Variants in PAPPA2 observed in about 807,000 individuals in gnomAD.
PAPPA2 encodes the protein pappalysin 2.
A neutral mutation model predicts 176.4 loss-of-function variants in PAPPA2; 86 were observed. That is an observed-to-expected ratio of 0.49 (90% CI 0.41 to 0.58). The LOEUF (loss-of-function observed/expected upper bound fraction) is 0.58, where lower values mean the gene tolerates loss of function less well. Ranked by LOEUF, PAPPA2 falls within the 20% of genes least tolerant of loss-of-function variation. The pLI is 0.00. For missense variants in PAPPA2, 2,073 were observed against 2,256.9 expected, an observed-to-expected ratio of 0.92 and a Z score of 1.65; for synonymous variants, 809 against 852.2, an observed-to-expected ratio of 0.95 and a Z score of 0.88.
chr1:176,692,163 G>A lies in PAPPA2; in HGVS notation c.2469G>A (p.Val823=). 6.2e-7 allele frequency: 1 copy of A among 1,613,950 alleles called. No individual in the cohort carries two copies. The highest frequency in any genetic ancestry group is 8.5e-7 in the Non-Finnish European group (1 of 1,179,926). ...NCTDNFTPNQ[V]ARMHCYLDLV... The stretch of plus-strand genomic sequence containing the variant: ...CTGACAACTTCACTCCTAACCAAGT[G>A]GCCCGAATGCATTGCTATTTGGACC... The change falls in exon 6 of 23, where the codon GTG becomes GTA. Residue 823 remains valine (V), a synonymous_variant. Coordinates refer to ENST00000367662, the MANE Select transcript of PAPPA2 (RefSeq NM_020318.3).
intron 3 of PAPPA2, among the ~76,000 whole-genome samples, chr1:176,619,638 A>G (rs1655473212): frequency 6.6e-6 from 1 of 152,212 alleles, no homozygotes; most frequent in Non-Finnish European, 1.5e-5. Flanking sequence ...CAATTATTAA[A>G]TCTCTGAACA....
chr1:176,682,489 T>TA (rs770488942), intron 4 of PAPPA2, among the ~76,000 whole-genome samples: 2 of 152,220 alleles, frequency 1.3e-5, no homozygotes, highest in South Asian at 2.1e-4. Flanking sequence ...ATTTAATTTT[T>TA]AAAAATTTTA....
intron 1 of PAPPA2, among the ~76,000 whole-genome samples, chr1:176,519,152 G>T (rs1649077803): frequency 6.6e-6 from 1 of 152,176 alleles, no homozygotes; most frequent in East Asian, 1.9e-4. Context: ...TGCCAGACAT[G>T]ACATTAGAAT....
intron 14 of PAPPA2, among the ~76,000 whole-genome samples, chr1:176,748,291 C>G (rs901630602): frequency 3.9e-5 from 6 of 152,088 alleles, no homozygotes; most frequent in African/African-American, 1.4e-4. Context: ...CAGCTTAGGG[C>G]AGAAGGGATA....
In PAPPA2 at chr1:176,824,215, C is replaced by T. The variant is rs185464390; in HGVS notation, c.5203-15958C>T. On this transcript the variant is annotated intron_variant, in intron 21 of 22. Transcript: ENST00000367662. ...ACATCTGCTGTGGGGAACAAAAAGA[C>T]CTGGTTGCTGCCTGCATAGTTGGAG... 3.1e-3 allele frequency among the ~76,000 whole-genome samples: 478 copies of T among 152,254 alleles called. 5 individuals are homozygous for T. Among genetic ancestry groups the T allele is most frequent in the African/African-American group, 0.011 (454 of 41,552 alleles).
intron 14 of PAPPA2, among the ~76,000 whole-genome samples, chr1:176,743,246 A>C (rs941505778): frequency 6.6e-6 from 1 of 152,186 alleles, no homozygotes; most frequent in African/African-American, 2.4e-5. Flanking sequence ...AAAAAAATGC[A>C]TTTAAAGAAT....
chr1:176,716,046 T>C, intron 12 of PAPPA2, among the ~76,000 whole-genome samples: 1 of 151,464 alleles, frequency 6.6e-6, no homozygotes, highest in East Asian at 1.9e-4. Context: ...TCAAAAAATC[T>C]ATGAACAAAC....
intron 14 of PAPPA2, among the ~76,000 whole-genome samples, 155 bp from the exon 15 acceptor site, chr1:176,765,511 G>A (rs2102905671): frequency 6.6e-6 from 1 of 152,260 alleles, no homozygotes; most frequent in East Asian, 1.9e-4. Flanking sequence ...GCATGGTGTT[G>A]GGTAGTAGAG....
chr1:176,832,194 C>T (rs1249320650), intron 21 of PAPPA2, among the ~76,000 whole-genome samples: 14 of 152,268 alleles, frequency 9.2e-5, no homozygotes. Context: ...TGTTTTACCT[C>T]CATTTGCTCA....
chr1:176,494,985 A>G lies in PAPPA2; in HGVS notation c.-917+31567A>G, dbSNP rs75564782. ...GCACCCACTTCCATCTTACTCTTTG[A>G]TTTTTACACTTGAGAATGCACTGCC... On this transcript the variant is annotated intron_variant, in intron 1 of 22. Coordinates refer to ENST00000367662, the MANE Select transcript of PAPPA2 (RefSeq NM_020318.3). Among the ~76,000 whole-genome samples the G allele has an allele frequency of 2.4e-3, 359 of 152,194 alleles. 4 individuals are homozygous for G. The highest frequency in any genetic ancestry group is 8.4e-3 in the African/African-American group (347 of 41,522).
chr1:176,763,521 C>G (rs1663793668), intron 14 of PAPPA2, among the ~76,000 whole-genome samples: 1 of 152,180 alleles, frequency 6.6e-6, no homozygotes, highest in Admixed American at 6.5e-5. Flanking sequence ...TGACTTTGCT[C>G]TCTATAACAT....
In PAPPA2 at chr1:176,842,680, C is replaced by G. The variant is rs937470969; in HGVS notation, c.*226C>G. On this transcript the variant is annotated 3_prime_UTR_variant, in exon 23 of 23. Transcript: ENST00000367662. ...ATAGGCAAAAGTTTCTTTAAAGTGG[C>G]AGTTGATTAACATGGAAGGGGAAAT... 5.6e-6 allele frequency: 3 copies of G among 535,406 alleles called. No individual in the cohort carries two copies. Among genetic ancestry groups the G allele is most frequent in the South Asian group, 4.5e-5 (2 of 44,166 alleles). 33.2% of individuals were successfully genotyped at this position (535,406 alleles called of 1,614,324 possible).
chr1:176,714,134 A>G (rs1661266862), intron 12 of PAPPA2, among the ~76,000 whole-genome samples: 1 of 152,052 alleles, frequency 6.6e-6, no homozygotes, highest in South Asian at 2.1e-4. Flanking sequence ...GCCTTGACAA[A>G]AAGGGAAAAC....
intron 3 of PAPPA2, among the ~76,000 whole-genome samples, chr1:176,606,761 C>A (rs1654636679): frequency 6.6e-6 from 1 of 152,196 alleles, no homozygotes; most frequent in Non-Finnish European, 1.5e-5. Context: ...CCATGCCTGG[C>A]TGAGTTTCTT....
intron 1 of PAPPA2, among the ~76,000 whole-genome samples, chr1:176,498,221 T>C (rs1647740832): frequency 6.6e-6 from 1 of 152,150 alleles, no homozygotes; most frequent in Non-Finnish European, 1.5e-5. Context: ...ATTTTCTGTT[T>C]TGTCTGCACA....
intron 21 of PAPPA2, among the ~76,000 whole-genome samples, chr1:176,816,377 G>GCA (rs66557602): frequency 0.096 from 13,940 of 144,700 alleles, 817 homozygotes; most frequent in African/African-American, 0.14. Context: ...ACATCATCAC[G>GCA]CACACACACA....
intron 3 of PAPPA2, among the ~76,000 whole-genome samples, chr1:176,623,238 C>T (rs1249876068): frequency 1.3e-5 from 2 of 152,182 alleles, no homozygotes; most frequent in East Asian, 3.9e-4. Context: ...TTCATTCCCA[C>T]TCTCTGGCCT....
intron 4 of PAPPA2, among the ~76,000 whole-genome samples, chr1:176,678,572 A>G (rs958800907): frequency 5.3e-5 from 8 of 152,128 alleles, no homozygotes; most frequent in Admixed American, 2.6e-4. Context: ...TCTTTTTGTA[A>G]TGTTTTTCCT....
intron 17 of PAPPA2, among the ~76,000 whole-genome samples, chr1:176,786,285 T>C (rs1664931592): frequency 6.6e-6 from 1 of 152,128 alleles, no homozygotes; most frequent in African/African-American, 2.4e-5. Flanking sequence ...TACATTTCAT[T>C]TGTATAAAGT....
Sources: gnomAD v4.1 joint callset for allele counts (sites outside exome capture counted in the v4.1 genomes callset) on GRCh38, gnomAD v4.1.1 for gene constraint, MANE v1.5 for transcripts, NCBI Gene and HGNC (gene_info 2026-07-23, HGNC 2026-07-21) for gene names.